The following ARMC2 variants were observed in gnomAD, a reference collection of about 807,000 sequenced individuals.
ARMC2 encodes armadillo repeat containing 2.
In ARMC2, 67 loss-of-function variants were observed where a neutral mutation model predicts 90.3. That is an observed-to-expected ratio of 0.74 (90% CI 0.61 to 0.91). The LOEUF (loss-of-function observed/expected upper bound fraction) is 0.91. Among genes scored for constraint, ARMC2 ranks in the 40% least tolerant of loss-of-function variants. ARMC2 has a pLI of 0.00. For synonymous variants in ARMC2, 393 were observed against 393.0 expected (o/e 1.00, Z 0.00); for missense variants, 920 against 1,030.9 (o/e 0.89, Z 1.47).
At chr6:109,035,185 A>G in the ARMC2 span, among the ~76,000 whole-genome samples, 1 of 151,904 alleles carries the variant, frequency 6.6e-6, no homozygotes, top group East Asian at 1.9e-4. Flanking sequence ...TTTGCTTTTC[A>G]TCCTAGAAGT....
intron 1 of ARMC2, among the ~76,000 whole-genome samples, chr6:108,851,925 G>C (rs1010432504): frequency 1.3e-5 from 2 of 152,196 alleles, no homozygotes; most frequent in African/African-American, 4.8e-5. Context: ...TGAGAGTGAA[G>C]ACGGTCTTTT....
the ARMC2 span, among the ~76,000 whole-genome samples, chr6:109,028,663 A>C: frequency 6.6e-6 from 1 of 152,224 alleles, no homozygotes; most frequent in African/African-American, 2.4e-5. Context: ...TAAAAATAGT[A>C]TTAGTTGATG....
At chr6:108,993,437 A>G in the ARMC2 span, among the ~76,000 whole-genome samples, 2 of 152,198 alleles carry the variant, frequency 1.3e-5, no homozygotes, top group East Asian at 1.9e-4. Context: ...TAAGTGTATC[A>G]TTAGATGACA....
At chr6:108,964,900 A>G in intron 16 of ARMC2, 80 bp from the exon 17 acceptor site, 1 of 1,060,592 alleles carries the variant, frequency 9.4e-7, no homozygotes, top group Admixed American at 2.2e-5. Context: ...TCACAGAAGG[A>G]TAATCATTAT....
chr6:108,975,065 G>T (rs1778958393), downstream of ARMC2, among the ~76,000 whole-genome samples: 1 of 150,938 alleles, frequency 6.6e-6, no homozygotes, highest in Non-Finnish European at 1.5e-5. Context: ...GTGGAGGTTT[G>T]TTACATGGGT....
chr6:109,043,050 T>A, the ARMC2 span, among the ~76,000 whole-genome samples: 38 of 152,190 alleles, frequency 2.5e-4, no homozygotes, highest in African/African-American at 8.7e-4. Context: ...CATCTGAAAA[T>A]CAATGCAATC....
chr6:109,039,073 A>AAAGGAGGGAGGAAAAGGAG, the ARMC2 span, among the ~76,000 whole-genome samples: 4 of 150,450 alleles, frequency 2.7e-5, no homozygotes, highest in African/African-American at 9.8e-5. Context: ...AAGGAGGAAG[A>AAAGGAGGGAGGAAAAGGAG]AAGGAGGGAG....
chr6:108,981,591 G>T, the ARMC2 span, among the ~76,000 whole-genome samples: 1 of 151,474 alleles, frequency 6.6e-6, no homozygotes, highest in Non-Finnish European at 1.5e-5. Context: ...TGTGTGACTG[G>T]TTTATTTCAC....
the ARMC2 span, among the ~76,000 whole-genome samples, chr6:109,034,846 C>T: frequency 6.6e-6 from 1 of 152,128 alleles, no homozygotes; most frequent in African/African-American, 2.4e-5. Flanking sequence ...GATTTGAGTT[C>T]CTGATGATTA....
intron 13 of ARMC2, among the ~76,000 whole-genome samples, chr6:108,960,009 A>G (rs180721397): frequency 4.7e-4 from 72 of 152,224 alleles, no homozygotes; most frequent in African/African-American, 1.7e-3. Context: ...TTTTGTAAAG[A>G]CAGGGTTTCA....
chr6:108,990,565 A>G, the ARMC2 span: 1 of 1,237,134 alleles, frequency 8.1e-7, no homozygotes, highest in South Asian at 1.2e-5. Context: ...GTGTGTGTCT[A>G]TGTGCATGTG....
chr6:108,923,127 C>A (rs1277606392), intron 10 of ARMC2: 1 of 152,076 alleles, frequency 6.6e-6, no homozygotes, highest in African/African-American at 2.4e-5. Flanking sequence ...TTTCAGTGTG[C>A]TATTTCTTGG....
chr6:108,912,618 C>T lies in ARMC2; in HGVS notation c.1350+60C>T, dbSNP rs1773551867. The T allele has an allele frequency of 4.8e-6, 7 of 1,462,502 alleles. No homozygotes were observed. In the East Asian group the frequency reaches 6.8e-5, roughly 14 times the overall value. The allele number at this position is 1,462,502 out of a possible 1,614,324, so 90.6% of individuals were successfully genotyped here. A position where few individuals can be genotyped will look rare whatever the true frequency, so the allele number is the denominator to read the frequency against. ...AATTAGTTTTCACATTGCCTAATGC[C>T]AGTTTTAAAAGAATGGCATGCAAGA... On this transcript the variant is annotated intron_variant, in intron 10 of 17. Transcript: ENST00000392644.
downstream of ARMC2, among the ~76,000 whole-genome samples, chr6:108,977,888 T>C (rs1439031749): frequency 6.6e-6 from 1 of 152,210 alleles, no homozygotes; most frequent in Non-Finnish European, 1.5e-5. Context: ...TTCTTCTCTT[T>C]ATTCTTCTTT....
At chr6:108,966,356 G>A (rs1038541261) in intron 17 of ARMC2, among the ~76,000 whole-genome samples, 12 of 152,030 alleles carry the variant, frequency 7.9e-5, no homozygotes, top group African/African-American at 2.7e-4. Flanking sequence ...TCTCCAAGAT[G>A]AGGATAATTA....
chr6:109,001,827 CT>C, the ARMC2 span, among the ~76,000 whole-genome samples: 1 of 152,172 alleles, frequency 6.6e-6, no homozygotes, highest in Non-Finnish European at 1.5e-5. Context: ...AAACCGCCTA[CT>C]CTCACTCAAT....
intron 5 of ARMC2, among the ~76,000 whole-genome samples, chr6:108,884,074 A>G (rs1777846589): frequency 6.6e-6 from 1 of 152,228 alleles, no homozygotes; most frequent in Admixed American, 6.5e-5. Context: ...TTTTAAGAGC[A>G]ATGTGGCTGA....
chr6:108,849,864 T>C (rs1773826429), intron 1 of ARMC2, among the ~76,000 whole-genome samples: 1 of 152,266 alleles, frequency 6.6e-6, no homozygotes, highest in South Asian at 2.1e-4. Context: ...TGGCTGTGAA[T>C]TGTCAGCATT....
chr6:108,904,156 ACTGT>A (rs1166532500), intron 7 of ARMC2, 70 bp from the exon 8 acceptor site: 1 of 1,507,620 alleles, frequency 6.6e-7, no homozygotes, highest in South Asian at 1.2e-5. Context: ...TTTTACTTAC[ACTGT>A]CTGTGTTTGA....
Sources: allele counts gnomAD v4.1 joint callset (sites outside exome capture counted in the v4.1 genomes callset), GRCh38; gene constraint gnomAD v4.1.1; transcripts MANE v1.5; gene names NCBI Gene and HGNC (gene_info 2026-07-23, HGNC 2026-07-21).